NEGR1: variants seen among roughly 807,000 people sequenced by gnomAD.
The protein encoded by NEGR1 is IgLON family member 4.
In NEGR1, 10 loss-of-function variants were observed where a neutral mutation model predicts 40.9. That is an observed-to-expected ratio of 0.24 (90% CI 0.15 to 0.42). The LOEUF (loss-of-function observed/expected upper bound fraction) is 0.42, where lower values mean the gene tolerates loss of function less well. NEGR1 is among the 10% of genes least tolerant of loss of function. The probability of loss-of-function intolerance (pLI) is 1.00; values close to 1 mark genes in which losing one functional copy is unlikely to be tolerated. For missense variants in NEGR1, 352 were observed against 438.9 expected, an observed-to-expected ratio of 0.80 and a Z score of 1.77; for synonymous variants, 185 against 166.8, an observed-to-expected ratio of 1.11 and a Z score of -0.84.
chr1:71,823,234 A>C (rs557666696), intron 2 of NEGR1, among the ~76,000 whole-genome samples: 9 of 147,994 alleles, frequency 6.1e-5, no homozygotes, highest in African/African-American at 2.0e-4. Flanking sequence ...AGAATTAAAC[A>C]TTTCTTCACA....
intron 1 of NEGR1, among the ~76,000 whole-genome samples, chr1:72,190,466 C>T (rs1320804106): frequency 1.3e-5 from 2 of 151,612 alleles, no homozygotes; most frequent in Non-Finnish European, 3.0e-5. Flanking sequence ...ACTGAGCAAA[C>T]ATGGCTTTAG....
At chr1:71,570,113 G>C (rs897605192) in intron 6 of NEGR1, among the ~76,000 whole-genome samples, 2 of 152,160 alleles carry the variant, frequency 1.3e-5, no homozygotes, top group African/African-American at 2.4e-5. Flanking sequence ...CTTATAATCT[G>C]TTGACTCACA....
At chr1:71,487,751 T>C (rs1646897932) in intron 6 of NEGR1, among the ~76,000 whole-genome samples, 1 of 151,656 alleles carries the variant, frequency 6.6e-6, no homozygotes, top group Non-Finnish European at 1.5e-5. Context: ...ATTTTTTTTT[T>C]AGTAAAAAGG....
At chr1:71,976,153 T>A (rs891972013) in intron 1 of NEGR1, among the ~76,000 whole-genome samples, 11 of 152,220 alleles carry the variant, frequency 7.2e-5, no homozygotes, top group African/African-American at 2.2e-4. Flanking sequence ...TCACAAAATC[T>A]AGAATGAATT....
chr1:71,564,002 A>C (rs941137664), intron 6 of NEGR1, among the ~76,000 whole-genome samples: 2 of 152,056 alleles, frequency 1.3e-5, no homozygotes, highest in Non-Finnish European at 2.9e-5. Flanking sequence ...TTTCAAAACA[A>C]ATATGTATTT....
intron 1 of NEGR1, among the ~76,000 whole-genome samples, chr1:71,978,812 A>C (rs1646329963): frequency 6.6e-6 from 1 of 152,176 alleles, no homozygotes; most frequent in African/African-American, 2.4e-5. Flanking sequence ...TCAAAGAGCT[A>C]AAAACAGAAC....
intron 2 of NEGR1, among the ~76,000 whole-genome samples, chr1:71,808,933 T>A (rs1657881021): frequency 1.3e-5 from 2 of 152,150 alleles, no homozygotes; most frequent in African/African-American, 4.8e-5. Context: ...ATATGCCAAT[T>A]CATCACTGGC....
At chr1:71,738,252 G>T in intron 3 of NEGR1, 1 of 220,484 alleles carries the variant, frequency 4.5e-6, no homozygotes. Flanking sequence ...AGCAAGTCAA[G>T]CACTTCTCAG....
At chr1:71,672,677 C>A (rs1652474232) in intron 4 of NEGR1, among the ~76,000 whole-genome samples, 1 of 151,992 alleles carries the variant, frequency 6.6e-6, no homozygotes, top group South Asian at 2.1e-4. Flanking sequence ...ACTTAAGTTT[C>A]AGAATAGCAC....
chr1:71,455,368 A>G (rs1179224950), intron 6 of NEGR1, among the ~76,000 whole-genome samples: 2 of 152,194 alleles, frequency 1.3e-5, no homozygotes, highest in Non-Finnish European at 2.9e-5. Flanking sequence ...TGAAAGTCTA[A>G]TATCATTAAG....
At position 71,474,725 on chromosome 1, in the gene NEGR1, A is replaced by G. The variant is rs1292922303; in HGVS notation, c.941-67155T>C. ...GGAGCGAGACTCTATCTCAAAAAAA[A>G]AAAAAAAAAAAAACAAAAAAACAAA... On this transcript the variant is annotated intron_variant, in intron 6 of 6. Transcript: ENST00000357731. Among the ~76,000 whole-genome samples, 88 of 150,612 alleles carry G rather than the reference A, an allele frequency of 5.8e-4. 1 individual carries two copies. The highest frequency in any genetic ancestry group is 2.1e-3 in the African/African-American group (85 of 41,212).
chr1:71,898,110 A>G (rs924104543), intron 2 of NEGR1, among the ~76,000 whole-genome samples: 16 of 152,158 alleles, frequency 1.1e-4, no homozygotes, highest in African/African-American at 3.9e-4. Flanking sequence ...GCGAGTCTGT[A>G]AACAGTTTAT....
chr1:72,185,001 A>G (rs931118053), intron 1 of NEGR1, among the ~76,000 whole-genome samples: 7 of 151,986 alleles, frequency 4.6e-5, no homozygotes, highest in Non-Finnish European at 1.0e-4. Flanking sequence ...AAAACTCTAT[A>G]AACCTCAAAC....
intron 1 of NEGR1, among the ~76,000 whole-genome samples, chr1:72,075,296 T>C (rs1289427679): frequency 6.6e-6 from 1 of 152,152 alleles, no homozygotes; most frequent in Non-Finnish European, 1.5e-5. Context: ...TTCTCTGTTT[T>C]ATTTAAAGGC....
At chr1:71,672,027 C>A (rs1360884650) in intron 4 of NEGR1, among the ~76,000 whole-genome samples, 2 of 151,868 alleles carry the variant, frequency 1.3e-5, no homozygotes, top group Non-Finnish European at 2.9e-5. Flanking sequence ...AGCCTTCACA[C>A]CCAGCCCTAC....
chr1:71,520,664 C>A (rs1647149797), intron 6 of NEGR1, among the ~76,000 whole-genome samples: 1 of 151,970 alleles, frequency 6.6e-6, no homozygotes, highest in Admixed American at 6.6e-5. Context: ...ATTGATGTCC[C>A]AAATAAGTAG....
chr1:71,555,957 T>C (rs1648238666), intron 6 of NEGR1, among the ~76,000 whole-genome samples: 1 of 151,398 alleles, frequency 6.6e-6, no homozygotes, highest in African/African-American at 2.4e-5. Context: ...TATCAGCTAG[T>C]AAATTTAGTA....
intron 4 of NEGR1, among the ~76,000 whole-genome samples, chr1:71,664,926 A>G (rs566620606): frequency 1.3e-5 from 2 of 152,292 alleles, no homozygotes; most frequent in South Asian, 2.1e-4. Flanking sequence ...GAAGGTATAA[A>G]CATACATTTT....
chr1:72,115,651 C>A (rs551898025), intron 1 of NEGR1, among the ~76,000 whole-genome samples: 1 of 151,588 alleles, frequency 6.6e-6, no homozygotes, highest in Non-Finnish European at 1.5e-5. Context: ...GGGGAAAGGT[C>A]GTGTTTTTAA....
Sources: allele counts gnomAD v4.1 joint callset (sites outside exome capture counted in the v4.1 genomes callset), GRCh38; gene constraint gnomAD v4.1.1; transcripts MANE v1.5; gene names NCBI Gene and HGNC (gene_info 2026-07-23, HGNC 2026-07-21).